The following LPA variants were observed in gnomAD, a reference collection of about 807,000 sequenced individuals.
LPA encodes apolipoprotein(a).
LPA carries 199 observed loss-of-function variants against 197.9 expected under a neutral mutation model. The observed-to-expected ratio is 1.01, with a 90% CI of 0.90 to 1.13. LPA has a LOEUF of 1.13. LPA is among the 50% of genes most tolerant of loss of function. LPA has a pLI of 0.00. For missense variants in LPA, 1,853 were observed against 1,785.8 expected (o/e 1.04, Z -0.68); for synonymous variants, 715 against 639.5 (o/e 1.12, Z -1.78).
intron 1 of LPA, among the ~76,000 whole-genome samples, chr6:160,657,820 C>T (rs1780157347): frequency 6.6e-6 from 1 of 152,156 alleles, no homozygotes; most frequent in Non-Finnish European, 1.5e-5. Flanking sequence ...ATCCCTTACC[C>T]TTAATATCCA....
chr6:160,561,909 C>G (rs1778369261), intron 28 of LPA, among the ~76,000 whole-genome samples: 1 of 152,166 alleles, frequency 6.6e-6, no homozygotes, highest in African/African-American at 2.4e-5. Flanking sequence ...GATTTTTGCA[C>G]ATTGATTTTG....
intron 28 of LPA, among the ~76,000 whole-genome samples, chr6:160,576,386 A>G (rs372394746): frequency 0.043 from 2,297 of 53,990 alleles, 55 homozygotes; most frequent in South Asian, 0.11. Context: ...ATATATATAT[A>G]TATGTATATA....
At chr6:160,584,049 C>T (rs1778848685) in intron 26 of LPA, among the ~76,000 whole-genome samples, 1 of 152,152 alleles carries the variant, frequency 6.6e-6, no homozygotes, top group Admixed American at 6.5e-5. Context: ...TCCTGACTCT[C>T]ATCTGCATTC....
chr6:160,582,338 G>A (rs374150620), intron 26 of LPA, among the ~76,000 whole-genome samples: 1 of 151,642 alleles, frequency 6.6e-6, no homozygotes, highest in African/African-American at 2.4e-5. Context: ...CACTCTGAAG[G>A]CGTTATTCTG....
At position 160,634,893 on chromosome 6, in the gene LPA, A is replaced by C. The variant is rs1779777439; in HGVS notation, c.1075+230T>G. On this transcript the variant is annotated intron_variant, in intron 7 of 38. Coordinates refer to ENST00000316300, the MANE Select transcript of LPA (RefSeq NM_005577.4). ...TAGAAGGAGGTGAGTTGTGAAGCCC[A>C]TCACCCTGGAAGGTTTGTGCCCATT... Among the ~76,000 whole-genome samples, 2 of 150,166 alleles carry C rather than the reference A, an allele frequency of 1.3e-5. 1 individual carries two copies. Among genetic ancestry groups the C allele is most frequent in the Admixed American group, 1.3e-4 (2 of 15,238 alleles).
At chr6:160,562,169 G>A (rs1778373472) in intron 28 of LPA, among the ~76,000 whole-genome samples, 2 of 152,154 alleles carry the variant, frequency 1.3e-5, no homozygotes, top group Non-Finnish European at 2.9e-5. Context: ...AATGCTTCCA[G>A]CTTCTGCTCA....
rs571376054 is a variant in LPA at position 160,611,495 on chromosome 6, G to A, written c.2603+67C>T. ...TTGAGTTCGGAGAACTCAGCTTGAA[G>A]CATGTCTCTTGTCACAGAAACTTCA... On this transcript the variant is annotated intron_variant, in intron 16 of 38. Transcript: ENST00000316300. The A allele has an allele frequency of 2.4e-4, 388 of 1,592,562 alleles. 5 individuals are homozygous for A. Among genetic ancestry groups the A allele is most frequent in the South Asian group, 8.8e-4 (80 of 90,680 alleles).
At chr6:160,544,936 T>G (rs779785352) in intron 33 of LPA, among the ~76,000 whole-genome samples, 2 of 152,172 alleles carry the variant, frequency 1.3e-5, no homozygotes, top group Non-Finnish European at 2.9e-5. Flanking sequence ...GTAGTAATCT[T>G]ACGAGAAAGG....
At chr6:160,563,079 T>C (rs189950381) in intron 28 of LPA, among the ~76,000 whole-genome samples, 18 of 152,352 alleles carry the variant, frequency 1.2e-4, no homozygotes, top group Middle Eastern at 3.4e-3. Flanking sequence ...AGTTCTGCTC[T>C]GATCTTAGTT....
At chr6:160,657,486 C>T (rs1174671677) in intron 1 of LPA, among the ~76,000 whole-genome samples, 1 of 150,180 alleles carries the variant, frequency 6.7e-6, no homozygotes, top group East Asian at 2.0e-4. Context: ...GCAATCTCTG[C>T]CTCACAGGTT....
chr6:160,662,093 T>C (rs1186204583), intron 1 of LPA, among the ~76,000 whole-genome samples: 2 of 152,232 alleles, frequency 1.3e-5, no homozygotes, highest in African/African-American at 4.8e-5. Flanking sequence ...TCAATTTTTC[T>C]TTTTTTAACC....
chr6:160,580,856 AC>A (rs1340334020), intron 26 of LPA, among the ~76,000 whole-genome samples: 1 of 152,116 alleles, frequency 6.6e-6, no homozygotes, highest in African/African-American at 2.4e-5. Context: ...CCAGTGTGTT[AC>A]TTACTTATTT....
intron 22 of LPA, among the ~76,000 whole-genome samples, chr6:160,593,631 C>G (rs896866498): frequency 6.6e-6 from 1 of 152,146 alleles, no homozygotes; most frequent in Non-Finnish European, 1.5e-5. Context: ...TGACAGAAAT[C>G]CCTGGTTGAA....
intron 1 of LPA, among the ~76,000 whole-genome samples, chr6:160,662,023 A>C (rs1006812583): frequency 6.6e-6 from 1 of 152,208 alleles, no homozygotes; most frequent in Admixed American, 6.5e-5. Flanking sequence ...TGCTTCATAG[A>C]GCATCACTGC....
At chr6:160,584,493 G>C (rs965778484) in intron 26 of LPA, among the ~76,000 whole-genome samples, 3 of 151,338 alleles carry the variant, frequency 2.0e-5, no homozygotes, top group Non-Finnish European at 4.4e-5. Flanking sequence ...CACCATGACC[G>C]GCTAATTTTT....
Position 160,589,706 on chromosome 6 carries a change from G to A in LPA, c.3794C>T (p.Thr1265Met), listed in dbSNP as rs752058838. The A allele has an allele frequency of 1.4e-5, 22 of 1,613,668 alleles. No individual in the cohort carries two copies. Among genetic ancestry groups the A allele is most frequent in the Admixed American group, 1.0e-4 (6 of 59,988 alleles). ...GTCCTGGACTGTGGGGCTTTGCTCC[G>A]TTGGTGCTGAAATTCAAAGAGGAGA... ...TSTAVSEQAP[T>M]EQSPTVQDCY... The change falls in exon 24 of 39, where the codon ACG becomes ATG. Residue 1265 changes from threonine to methionine, a missense_variant. By Grantham distance (81) the Thr-to-Met change is moderately conservative (BLOSUM62 -1). Transcript: ENST00000316300.
intron 1 of LPA, among the ~76,000 whole-genome samples, chr6:160,652,315 G>T (rs1035936802): frequency 6.6e-6 from 1 of 152,000 alleles, no homozygotes; most frequent in Non-Finnish European, 1.5e-5. Flanking sequence ...CAGAGAAAAA[G>T]GAACTATTGA....
intron 28 of LPA, among the ~76,000 whole-genome samples, chr6:160,567,416 G>A (rs886585438): frequency 1.1e-4 from 16 of 152,116 alleles, no homozygotes; most frequent in Admixed American, 3.3e-4. Context: ...ACGAAATGAA[G>A]GCAGAAATAA....
rs376715086 is a variant in LPA at position 160,544,923 on chromosome 6, T to C, written c.5398+517A>G. On this transcript the variant is annotated intron_variant, in intron 33 of 38. Transcript: ENST00000316300. ...TAAGCAATGTCGCTAATGGGACTCA[T>C]GAGTAGTAATCTTACGAGAAAGGCC... is the stretch of plus-strand genomic sequence containing the variant. Among the ~76,000 whole-genome samples, 124 of 152,270 alleles carry C rather than the reference T, an allele frequency of 8.1e-4. 2 individuals carry two copies. The South Asian group carries it at 0.025, about 31-fold the overall frequency.
Sources: allele counts gnomAD v4.1 joint callset (sites outside exome capture counted in the v4.1 genomes callset), GRCh38; gene constraint gnomAD v4.1.1; transcripts MANE v1.5; gene names NCBI Gene and HGNC (gene_info 2026-07-23, HGNC 2026-07-21).